Variants in PCDHGA5 observed in about 807,000 individuals in gnomAD.
PCDHGA5 encodes protocadherin gamma-A5.
A neutral mutation model predicts 56.7 loss-of-function variants in PCDHGA5; 36 were observed. The observed-to-expected ratio is 0.64, with a 90% confidence interval of 0.49 to 0.84. PCDHGA5 has a LOEUF of 0.84. PCDHGA5 is among the 40% of genes least tolerant of loss of function. The pLI, the probability that PCDHGA5 is intolerant of heterozygous loss-of-function variation, is 0.00. For missense variants in PCDHGA5, 1,305 were observed against 1,201.5 expected (o/e 1.09, Z -1.27); for synonymous variants, 563 against 520.2 (o/e 1.08, Z -1.12).
Position 141,475,863 on chromosome 5 carries a change from C to G in PCDHGA5, c.2422-18944C>G, listed in dbSNP as rs1037784260. On this transcript the variant is annotated intron_variant, in intron 1 of 3. Transcript: ENST00000518069. ...TCAGAGAGCCCGGCGCTAGCTCATT[C>G]TTCGTGCAGTTATTGGCTGGGACTC... is the stretch of plus-strand genomic sequence containing the variant. 1.4e-5 allele frequency: 7 copies of G among 499,790 alleles called. 1 individual carries two copies. The highest frequency in any genetic ancestry group is 1.4e-4 in the African/African-American group (7 of 51,600). The allele number at this position is 499,790 out of a possible 1,614,324, so 31.0% of individuals were successfully genotyped here. A position where few individuals can be genotyped will look rare whatever the true frequency, so the allele number is the denominator to read the frequency against.
At chr5:141,433,605 G>A (rs1411907056) in intron 1 of PCDHGA5, among the ~76,000 whole-genome samples, 1 of 152,114 alleles carries the variant, frequency 6.6e-6, no homozygotes, top group South Asian at 2.1e-4. Context: ...GGAGGCCGAG[G>A]CGGGTGGATC....
intron 1 of PCDHGA5, among the ~76,000 whole-genome samples, chr5:141,457,155 A>G (rs1403164805): frequency 1.3e-5 from 2 of 152,216 alleles, no homozygotes; most frequent in Admixed American, 6.5e-5. Flanking sequence ...AGAAGGTGCT[A>G]CCATGGATAA....
intron 1 of PCDHGA5, chr5:141,374,257 G>A (rs1770316361): frequency 6.8e-6 from 11 of 1,614,042 alleles, no homozygotes; most frequent in Non-Finnish European, 7.6e-6. Context: ...AGCCCCAGGA[G>A]TTGGCGGAGC....
Position 141,366,199 on chromosome 5 carries a change from G to A in PCDHGA5, c.1869G>A (p.Thr623=). The A allele has an allele frequency of 1.9e-6, 3 of 1,613,876 alleles. No homozygotes were observed. Among genetic ancestry groups the A allele is most frequent in the Non-Finnish European group, 2.5e-6 (3 of 1,180,048 alleles). Residue 623 remains threonine, a synonymous_variant, in exon 1 of 4, where the codon ACG becomes ACA. Transcript: ENST00000518069. ...EPGLFAVGLH[T]GEVRTARALL... ...GACTCTTTGCGGTTGGGCTGCACAC[G>A]GGCGAGGTGCGCACAGCGCGAGCCC...
intron 1 of PCDHGA5, chr5:141,394,313 C>T (rs2092972755): frequency 1.2e-6 from 2 of 1,614,022 alleles, no homozygotes; most frequent in East Asian, 2.2e-5. Flanking sequence ...AGGGGGCGCC[C>T]CTGTCCTCGT....
rs779542409 is a variant in PCDHGA5, at chr5:141,392,788, T to G, written c.2421+26037T>G. The G allele has an allele frequency of 3.9e-6, 6 of 1,553,762 alleles. No individual in the cohort carries two copies. The East Asian group carries it at 1.1e-4, about 30-fold the overall frequency. On this transcript the variant is annotated intron_variant, in intron 1 of 3. Coordinates refer to ENST00000518069, the MANE Select transcript of PCDHGA5 (RefSeq NM_018918.3). ...ACCCATTTATGCACAGTGAAGATTC[T>G]GAGAGGATTCTGCAGCAAAACAACA...
At position 141,487,681 on chromosome 5, in the gene PCDHGA5, T is replaced by C. The variant is rs754032560; in HGVS notation, c.2422-7126T>C. The stretch of plus-strand genomic sequence containing the variant: ...CTGATCCAGGCATATGGCTAGGCCA[T>C]GTCCTAGAGAGTACTGGCCTCTCAG... On this transcript the variant is annotated intron_variant, in intron 1 of 3. Coordinates refer to ENST00000518069, the MANE Select transcript of PCDHGA5 (RefSeq NM_018918.3). The surrounding 1 kb of genome is among the most constrained non-coding windows in gnomAD (Gnocchi z 5.0). 1.1e-5 allele frequency: 18 copies of C among 1,608,852 alleles called. No individual in the cohort carries two copies. The highest frequency in any genetic ancestry group is 4.5e-5 in the East Asian group (2 of 44,816).
chr5:141,415,507 A>G, intron 1 of PCDHGA5: 1 of 1,614,156 alleles, frequency 6.2e-7, no homozygotes, highest in Admixed American at 1.7e-5. Context: ...CCCCCAGCCC[A>G]ATTATGCGGA....
At chr5:141,402,514 AAT>A (rs1200847622) in intron 1 of PCDHGA5, among the ~76,000 whole-genome samples, 1 of 152,218 alleles carries the variant, frequency 6.6e-6, no homozygotes, top group East Asian at 1.9e-4. Flanking sequence ...AATATTAAGC[AAT>A]GGTTTGTGAT....
chr5:141,426,297 G>T (rs1056504791), intron 1 of PCDHGA5: 3 of 171,478 alleles, frequency 1.7e-5, no homozygotes, highest in African/African-American at 7.1e-5. Context: ...TGGGAAACAG[G>T]GTGAAGCAGA....
chr5:141,506,207 TTGGGAAGCTGAG>T (rs1487107822), intron 3 of PCDHGA5, among the ~76,000 whole-genome samples: 1 of 152,020 alleles, frequency 6.6e-6, no homozygotes, highest in Non-Finnish European at 1.5e-5. Flanking sequence ...TCCCAGCACT[TTGGGAAGCTGAG>T]GCAGGAGGAT....
chr5:141,421,833 C>T (rs1364245594), intron 1 of PCDHGA5: 6 of 1,613,756 alleles, frequency 3.7e-6, no homozygotes, highest in Non-Finnish European at 4.2e-6. Flanking sequence ...GAAGCCTGGA[C>T]CGAGAGAAAG....
Position 141,365,344 on chromosome 5 carries a change from G to A in PCDHGA5, c.1014G>A (p.Gln338=). 6.2e-7 allele frequency: 1 copy of A among 1,613,966 alleles called. No homozygotes were observed. The highest frequency in any genetic ancestry group is 1.1e-5 in the South Asian group (1 of 91,084). ...VASAKVVVTV[Q]DVNDNAPEVI... ...GCGCTAAGGTGGTGGTCACAGTACA[G>A]GACGTGAATGACAATGCCCCCGAAG... The change falls in exon 1 of 4, where the codon CAG becomes CAA. Residue 338 remains glutamine, a synonymous_variant. Transcript: ENST00000518069.
chr5:141,407,954 G>A, intron 1 of PCDHGA5: 1 of 640,866 alleles, frequency 1.6e-6, no homozygotes, highest in East Asian at 3.0e-5. Flanking sequence ...GTCGGCCAGT[G>A]CAGAGCAAGC....
chr5:141,481,794 A>G (rs1433830305), intron 1 of PCDHGA5, among the ~76,000 whole-genome samples: 1 of 152,136 alleles, frequency 6.6e-6, no homozygotes, highest in Non-Finnish European at 1.5e-5. Context: ...TCTACTAAAA[A>G]TACAAAAATT....
chr5:141,470,872 T>G, intron 1 of PCDHGA5, among the ~76,000 whole-genome samples: 1 of 151,814 alleles, frequency 6.6e-6, no homozygotes, highest in East Asian at 1.9e-4. Context: ...GTTTGTTTGT[T>G]TTTTTGTTTT....
At position 141,432,707 on chromosome 5, in the gene PCDHGA5, G is replaced by A. The variant is rs750859951; in HGVS notation, c.2422-62100G>A. ...CCTCGTAGTGGCCGTCCAGGACCAC[G>A]GCCAGCCCCCTCTCTCCGCCACTGT... On this transcript the variant is annotated intron_variant, in intron 1 of 3. Coordinates refer to ENST00000518069, the MANE Select transcript of PCDHGA5 (RefSeq NM_018918.3). The surrounding 1 kb of genome is among the most constrained non-coding windows in gnomAD (Gnocchi z 6.0). 5 of 1,613,988 alleles carry A rather than the reference G, an allele frequency of 3.1e-6. No individual in the cohort carries two copies. Among genetic ancestry groups the A allele is most frequent in the Non-Finnish European group, 4.2e-6 (5 of 1,179,970 alleles).
At chr5:141,505,241 T>C in intron 2 of PCDHGA5, 152 bp from the exon 3 acceptor site, 3 of 1,396,292 alleles carry the variant, frequency 2.1e-6, no homozygotes, top group South Asian at 1.4e-5. Flanking sequence ...TTCTGAAGGA[T>C]TGTAGAAGTG....
At chr5:141,492,606 C>G (rs1019615566) in intron 1 of PCDHGA5, among the ~76,000 whole-genome samples, 3 of 152,232 alleles carry the variant, frequency 2.0e-5, no homozygotes, top group African/African-American at 7.2e-5. Flanking sequence ...GACTGCCGCT[C>G]TAAGTGCCGG....
Sources: gnomAD v4.1 joint callset for allele counts (sites outside exome capture counted in the v4.1 genomes callset) on GRCh38, gnomAD v4.1.1 for gene constraint, Gnocchi (gnomAD v3.1) non-coding constraint, MANE v1.5 for transcripts, NCBI Gene and HGNC (gene_info 2026-07-23, HGNC 2026-07-21) for gene names.